Variants in AKAP6 observed in about 807,000 individuals in gnomAD.
The protein encoded by AKAP6 is A-kinase anchoring protein 6.
A neutral mutation model predicts 188.5 loss-of-function variants in AKAP6; 58 were observed. That is an observed-to-expected ratio of 0.31 (90% CI 0.25 to 0.38). AKAP6 has a LOEUF of 0.38. Ranked by LOEUF, AKAP6 falls within the 10% of genes least tolerant of loss-of-function variation. The pLI is 1.00. For synonymous variants in AKAP6, 989 were observed against 998.6 expected, an observed-to-expected ratio of 0.99 and a Z score of 0.18; for missense variants, 2,710 against 2,740.0, an observed-to-expected ratio of 0.99 and a Z score of 0.24.
In AKAP6 at chr14:32,433,747, G is replaced by A. The variant is rs148757348; in HGVS notation, c.254G>A (p.Arg85Gln). 13 of 1,614,064 alleles carry A rather than the reference G, an allele frequency of 8.1e-6. No individual in the cohort carries two copies. The highest frequency in any genetic ancestry group is 4.0e-5 in the African/African-American group (3 of 74,926). ...CTCCGGATGACCTCAGAGAGGGTCCGAGACCTAACCTATTCAGTCCAGCAG... is the reference window on the plus strand; with the variant it reads ...CTCCGGATGACCTCAGAGAGGGTCCAAGACCTAACCTATTCAGTCCAGCAG... ...TWLRMTSERV[R>Q]DLTYSVQQDS... Residue 85 changes from arginine to glutamine, a missense_variant, in exon 2 of 14, where the codon CGA becomes CAA. Physicochemically the swap from Arg to Gln is conservative, Grantham distance 43. Coordinates refer to ENST00000280979, the MANE Select transcript of AKAP6 (RefSeq NM_004274.5).
At chr14:32,412,929 A>C (rs1295105993) in intron 1 of AKAP6, among the ~76,000 whole-genome samples, 1 of 152,150 alleles carries the variant, frequency 6.6e-6, no homozygotes, top group African/African-American at 2.4e-5. Context: ...CTTTTTTCTC[A>C]ATCTTGAAAT....
chr14:32,330,968 A>G (rs1886515656), intron 1 of AKAP6, among the ~76,000 whole-genome samples: 1 of 151,900 alleles, frequency 6.6e-6, no homozygotes, highest in Admixed American at 6.6e-5. Context: ...TTTATGTCAT[A>G]TAATGTGAGC....
At chr14:32,541,170 A>G (rs535935697) in intron 3 of AKAP6, among the ~76,000 whole-genome samples, 1 of 152,262 alleles carries the variant, frequency 6.6e-6, no homozygotes, top group East Asian at 1.9e-4. Context: ...GGTTGGCCGG[A>G]CTGATATGGT....
At chr14:32,634,950 G>A (rs538978771) in intron 7 of AKAP6, among the ~76,000 whole-genome samples, 12 of 151,834 alleles carry the variant, frequency 7.9e-5, no homozygotes, top group African/African-American at 2.7e-4. Flanking sequence ...AGTTACATGA[G>A]TAAGTTCTTT....
At chr14:32,733,586 T>A (rs1193775430) in intron 10 of AKAP6, 1 of 152,186 alleles carries the variant, frequency 6.6e-6, no homozygotes, top group Non-Finnish European at 1.5e-5. Flanking sequence ...GTATTCTGTT[T>A]ATGCCATGCC....
intron 7 of AKAP6, among the ~76,000 whole-genome samples, chr14:32,613,272 C>T (rs190828725): frequency 2.0e-5 from 3 of 152,236 alleles, no homozygotes; most frequent in East Asian, 1.9e-4. Flanking sequence ...AGATAGATGA[C>T]GAGCAAATAC....
intron 7 of AKAP6, among the ~76,000 whole-genome samples, chr14:32,621,961 G>C (rs1172344153): frequency 1.3e-5 from 2 of 152,072 alleles, no homozygotes; most frequent in African/African-American, 4.8e-5. Flanking sequence ...TGAGCTCCCA[G>C]AGGGGACAGT....
Position 32,599,407 on chromosome 14 carries a change from C to T in AKAP6, c.2470-3C>T, listed in dbSNP as rs770359244. ...GGTTTAATGTTCATATTTTTCCTTGCAGAGTTTTAAGTTGAATGTAGACAG... is the reference window on the plus strand; with the variant it reads ...GGTTTAATGTTCATATTTTTCCTTGTAGAGTTTTAAGTTGAATGTAGACAG... On this transcript the variant is annotated splice_region_variant and splice_polypyrimidine_tract_variant and intron_variant, in intron 5 of 13. Coordinates refer to ENST00000280979, the MANE Select transcript of AKAP6 (RefSeq NM_004274.5). 3.1e-6 allele frequency: 5 copies of T among 1,608,436 alleles called. No individual in the cohort carries two copies. The East Asian group carries it at 8.9e-5, about 29-fold the overall frequency.
chr14:32,360,146 G>A (rs538556586), intron 1 of AKAP6, among the ~76,000 whole-genome samples: 4 of 147,168 alleles, frequency 2.7e-5, no homozygotes, highest in African/African-American at 5.0e-5. Context: ...TTTTTTTTTC[G>A]AGACAGGGGC....
intron 4 of AKAP6, among the ~76,000 whole-genome samples, chr14:32,567,309 G>T (rs907696117): frequency 5.9e-5 from 9 of 152,062 alleles, no homozygotes; most frequent in African/African-American, 2.2e-4. Flanking sequence ...TTGAAAATTG[G>T]GTCTGTGCTT....
chr14:32,800,072 G>T (rs1367899271), intron 12 of AKAP6, among the ~76,000 whole-genome samples: 1 of 99,200 alleles, frequency 1.0e-5, no homozygotes, highest in African/African-American at 3.9e-5. Flanking sequence ...TATATATATA[G>T]AAATATATAT....
At chr14:32,638,626 C>T (rs916357448) in intron 7 of AKAP6, among the ~76,000 whole-genome samples, 4 of 151,884 alleles carry the variant, frequency 2.6e-5, no homozygotes, top group Admixed American at 1.3e-4. Flanking sequence ...GTAGGAAGAC[C>T]GCTTTTCTTT....
chr14:32,401,412 GTTTT>G (rs898448254), intron 1 of AKAP6, among the ~76,000 whole-genome samples: 1 of 152,080 alleles, frequency 6.6e-6, no homozygotes, highest in African/African-American at 2.4e-5. Context: ...TTCAAATTAT[GTTTT>G]TTTATTTCTT....
intron 2 of AKAP6, among the ~76,000 whole-genome samples, chr14:32,467,501 C>A (rs974385512): frequency 6.6e-6 from 1 of 152,056 alleles, no homozygotes; most frequent in Admixed American, 6.6e-5. Context: ...TTTTCACAAA[C>A]CTGTAGTGAA....
intron 8 of AKAP6, among the ~76,000 whole-genome samples, chr14:32,685,913 A>T (rs1287128689): frequency 6.6e-6 from 1 of 152,148 alleles, no homozygotes; most frequent in Admixed American, 6.6e-5. Context: ...GGGCTACCAT[A>T]CAATCCAGCA....
rs1163844224 is a variant in AKAP6 at position 32,832,624 on chromosome 14, T to G, written c.*2819T>G. On this transcript the variant is annotated 3_prime_UTR_variant, in exon 14 of 14. Transcript: ENST00000280979. The stretch of plus-strand genomic sequence containing the variant: ...AGAAAATGATCACACCAACTCTGCC[T>G]ACACACTTCCAGTGATAGTGGCTCA... The G allele has an allele frequency of 6.6e-6, 1 of 152,168 alleles. No individual in the cohort carries two copies. Among genetic ancestry groups the G allele is most frequent in the Non-Finnish European group, 1.5e-5 (1 of 68,034 alleles). The allele number at this position is 152,168 out of a possible 1,614,324, so 9.4% of individuals were successfully genotyped here. A position where few individuals can be genotyped will look rare whatever the true frequency, so the allele number is the denominator to read the frequency against.
intron 2 of AKAP6, among the ~76,000 whole-genome samples, chr14:32,497,542 A>G (rs1029578041): frequency 2.6e-5 from 4 of 152,112 alleles, no homozygotes; most frequent in African/African-American, 9.7e-5. Flanking sequence ...TGTTCCATAG[A>G]CACTTGAAAA....
At chr14:32,733,716 G>A (rs1256063331) in intron 10 of AKAP6, 6 of 152,078 alleles carry the variant, frequency 3.9e-5, no homozygotes, top group Admixed American at 3.9e-4. Context: ...ACATATTGTT[G>A]CCTTTTAATA....
At position 32,346,989 on chromosome 14, in the gene AKAP6, T is replaced by G. The variant is rs1306947765; in HGVS notation, c.-35+17581T>G. ...TATCATATAGAGATATTTATTAGAC[T>G]AGCATTAATTTGCAAAGCAGGCACA... On this transcript the variant is annotated intron_variant, in intron 1 of 13. Coordinates refer to ENST00000280979, the MANE Select transcript of AKAP6 (RefSeq NM_004274.5). Among the ~76,000 whole-genome samples, 5 of 152,352 alleles carry G rather than the reference T, an allele frequency of 3.3e-5. No individual in the cohort carries two copies. The South Asian group carries it at 1.0e-3, about 32-fold the overall frequency.
Sources: allele counts gnomAD v4.1 joint callset (sites outside exome capture counted in the v4.1 genomes callset), GRCh38; gene constraint gnomAD v4.1.1; transcripts MANE v1.5; gene names NCBI Gene and HGNC (gene_info 2026-07-23, HGNC 2026-07-21).